ERC2: variants seen among roughly 807,000 people sequenced by gnomAD.
ERC2 encodes ERC protein 2.
In ERC2, 42 loss-of-function variants were observed where a neutral mutation model predicts 114.8. That is an observed-to-expected ratio of 0.37 (90% CI 0.29 to 0.47). ERC2 has a LOEUF of 0.47. Among genes scored for constraint, ERC2 ranks in the 20% least tolerant of loss-of-function variants. ERC2 has a pLI of 0.99. For missense variants in ERC2, 939 were observed against 1,150.7 expected (o/e 0.82, Z 2.66); for synonymous variants, 454 against 425.5 (o/e 1.07, Z -0.82).
intron 15 of ERC2, among the ~76,000 whole-genome samples, chr3:55,724,774 A>G (rs2064807672): frequency 6.6e-6 from 1 of 152,150 alleles, no homozygotes; most frequent in African/African-American, 2.4e-5. Context: ...AACTCCCAAA[A>G]TCCACACAGT....
intron 17 of ERC2, among the ~76,000 whole-genome samples, chr3:55,598,828 A>G (rs1388613057): frequency 2.0e-5 from 3 of 152,238 alleles, no homozygotes; most frequent in African/African-American, 7.2e-5. Flanking sequence ...AAAGGGGCAG[A>G]TTGTCTGGGG....
chr3:55,896,554 A>G (rs1031548116), intron 13 of ERC2, among the ~76,000 whole-genome samples: 3 of 152,254 alleles, frequency 2.0e-5, no homozygotes, highest in Non-Finnish European at 4.4e-5. Flanking sequence ...CCAGACAATA[A>G]TATTTCCTGG....
At chr3:56,454,899 G>A (rs1272002536) in intron 1 of ERC2, among the ~76,000 whole-genome samples, 2 of 149,468 alleles carry the variant, frequency 1.3e-5, no homozygotes, top group African/African-American at 2.5e-5. Context: ...ATTCTGATAC[G>A]TGCTACAACA....
At chr3:55,622,662 A>G (rs2059372744) in intron 17 of ERC2, among the ~76,000 whole-genome samples, 1 of 152,054 alleles carries the variant, frequency 6.6e-6, no homozygotes, top group African/African-American at 2.4e-5. Flanking sequence ...TTCATTTTCA[A>G]GAATCTTATG....
intron 17 of ERC2, among the ~76,000 whole-genome samples, chr3:55,610,235 CA>C: frequency 6.6e-6 from 1 of 151,904 alleles, no homozygotes; most frequent in East Asian, 1.9e-4. Context: ...TTGGGACAAC[CA>C]AAAATGTCCG....
intron 4 of ERC2, among the ~76,000 whole-genome samples, chr3:56,161,283 T>G (rs181354749): frequency 4.6e-5 from 7 of 152,332 alleles, no homozygotes; most frequent in Non-Finnish European, 8.8e-5. Context: ...TGCCAAACCA[T>G]GAGCCAATTA....
intron 17 of ERC2, among the ~76,000 whole-genome samples, chr3:55,573,992 A>G (rs149064685): frequency 6.6e-6 from 1 of 152,330 alleles, no homozygotes; most frequent in Non-Finnish European, 1.5e-5. Flanking sequence ...ACACTCATTT[A>G]TCCTTGCATT....
intron 2 of ERC2, among the ~76,000 whole-genome samples, chr3:56,307,747 GT>G (rs1490624489): frequency 2.0e-5 from 3 of 151,980 alleles, no homozygotes; most frequent in Non-Finnish European, 4.4e-5. Flanking sequence ...ATGTTAATAC[GT>G]GTTCTGTTGG....
At chr3:55,542,230 C>T (rs2054444749) in intron 17 of ERC2, among the ~76,000 whole-genome samples, 1 of 152,156 alleles carries the variant, frequency 6.6e-6, no homozygotes. Context: ...GTCACCACTC[C>T]CTTGTGCCAC....
intron 2 of ERC2, among the ~76,000 whole-genome samples, chr3:56,360,847 G>T (rs1000769102): frequency 1.4e-4 from 21 of 152,150 alleles, no homozygotes; most frequent in Non-Finnish European, 2.6e-4. Flanking sequence ...GGCAGAGGTT[G>T]CAGTGAGCTG....
At chr3:55,534,063 G>A (rs2053838432) in intron 17 of ERC2, among the ~76,000 whole-genome samples, 1 of 152,098 alleles carries the variant, frequency 6.6e-6, no homozygotes, top group East Asian at 1.9e-4. Context: ...TCATCCTCAG[G>A]AAAAGGATAA....
chr3:56,035,830 A>G (rs2149641736), intron 7 of ERC2, among the ~76,000 whole-genome samples: 1 of 152,348 alleles, frequency 6.6e-6, no homozygotes, highest in Middle Eastern at 3.4e-3. Flanking sequence ...CAGCATGAAC[A>G]AACGAAAACA....
chr3:56,319,657 T>G (rs1396440911), intron 2 of ERC2, among the ~76,000 whole-genome samples: 1 of 152,040 alleles, frequency 6.6e-6, no homozygotes, highest in Non-Finnish European at 1.5e-5. Context: ...GAAAAAAAGA[T>G]TCCAAGGCAA....
At chr3:56,407,032 G>A (rs964118388) in intron 2 of ERC2, among the ~76,000 whole-genome samples, 1 of 152,062 alleles carries the variant, frequency 6.6e-6, no homozygotes, top group Non-Finnish European at 1.5e-5. Context: ...GAGGCCATCT[G>A]GAAAATTAAG....
intron 2 of ERC2, among the ~76,000 whole-genome samples, chr3:56,338,579 C>T (rs2057956883): frequency 6.6e-6 from 1 of 150,754 alleles, no homozygotes; most frequent in African/African-American, 2.4e-5. Context: ...TGTCTTTTAT[C>T]ATGTCACTTT....
At chr3:55,530,213 A>C (rs892001956) in intron 17 of ERC2, among the ~76,000 whole-genome samples, 7 of 152,226 alleles carry the variant, frequency 4.6e-5, no homozygotes, top group African/African-American at 1.4e-4. Flanking sequence ...GTTTAGGTTT[A>C]TGAAAACCAT....
At chr3:55,888,879 C>T (rs923338058) in intron 13 of ERC2, among the ~76,000 whole-genome samples, 1 of 152,070 alleles carries the variant, frequency 6.6e-6, no homozygotes, top group Non-Finnish European at 1.5e-5. Flanking sequence ...CTCATGTAAC[C>T]AAATATCACC....
intron 13 of ERC2, among the ~76,000 whole-genome samples, chr3:55,893,211 T>C (rs1174575699): frequency 1.3e-5 from 2 of 152,192 alleles, no homozygotes; most frequent in Non-Finnish European, 2.9e-5. Context: ...TGGTATTTTG[T>C]TAGAGCAGCC....
At chr3:56,112,456 C>T (rs550467425) in intron 6 of ERC2, among the ~76,000 whole-genome samples, 1 of 151,794 alleles carries the variant, frequency 6.6e-6, no homozygotes, top group Non-Finnish European at 1.5e-5. Context: ...CACACACACA[C>T]ACACACACAC....
Sources: gnomAD v4.1 joint callset for allele counts (sites outside exome capture counted in the v4.1 genomes callset) on GRCh38, gnomAD v4.1.1 for gene constraint, MANE v1.5 for transcripts, NCBI Gene and HGNC (gene_info 2026-07-23, HGNC 2026-07-21) for gene names.